Variants in CNTN4 observed in about 807,000 individuals in gnomAD.
The protein encoded by CNTN4 is contactin-4.
A neutral mutation model predicts 122.5 loss-of-function variants in CNTN4; 77 were observed. That is an observed-to-expected ratio of 0.63 (90% confidence interval 0.52 to 0.76). The LOEUF (loss-of-function observed/expected upper bound fraction) is 0.76, where lower values mean the gene tolerates loss of function less well. Ranked by LOEUF, CNTN4 falls within the 30% of genes least tolerant of loss-of-function variation. CNTN4 has a pLI of 0.00. For synonymous variants in CNTN4, 512 were observed against 447.0 expected (o/e 1.15, Z -1.83); for missense variants, 1,256 against 1,259.1 (o/e 1.00, Z 0.04).
chr3:2,829,356 G>A (rs1421298081), intron 7 of CNTN4, among the ~76,000 whole-genome samples: 1 of 152,178 alleles, frequency 6.6e-6, no homozygotes, highest in Non-Finnish European at 1.5e-5. Context: ...TGGGTGGAGT[G>A]TTTCGTGTTT....
At chr3:2,353,571 C>T (rs1002307960) in intron 3 of CNTN4, among the ~76,000 whole-genome samples, 3 of 151,952 alleles carry the variant, frequency 2.0e-5, no homozygotes, top group Non-Finnish European at 4.4e-5. Flanking sequence ...AGCGAGACCA[C>T]GAACCCACCG....
intron 22 of CNTN4, 39 bp downstream of exon 22, chr3:3,043,202 T>C (rs1377291357): frequency 6.3e-7 from 1 of 1,582,292 alleles, no homozygotes; most frequent in Non-Finnish European, 8.7e-7. Flanking sequence ...TGGGGATTCA[T>C]CACACATATC....
chr3:3,038,979 A>G lies in CNTN4; in HGVS notation c.2139A>G (p.Lys713=), dbSNP rs754050629. 1.9e-6 allele frequency: 3 copies of G among 1,613,990 alleles called. No individual in the cohort carries two copies. The highest frequency in any genetic ancestry group is 1.7e-6 in the Non-Finnish European group (2 of 1,179,950). Residue 713 remains lysine, a synonymous_variant, in exon 19 of 25, where the codon AAA becomes AAG. Transcript: ENST00000418658. ...PANVSGGGGS[K]SELVITWETV... The stretch of plus-strand genomic sequence containing the variant: ...ATGTCAGTGGTGGCGGAGGCAGCAA[A>G]TCTGAACTGGTTATAACCTGGGAGG...
chr3:2,818,704 A>G (rs1393487979), intron 6 of CNTN4, among the ~76,000 whole-genome samples: 1 of 152,148 alleles, frequency 6.6e-6, no homozygotes, highest in African/African-American at 2.4e-5. Context: ...GTAACTGCCT[A>G]TTTACTTATA....
At chr3:2,844,978 G>A (rs1031446829) in intron 7 of CNTN4, among the ~76,000 whole-genome samples, 1 of 152,152 alleles carries the variant, frequency 6.6e-6, no homozygotes, top group Non-Finnish European at 1.5e-5. Flanking sequence ...ACACTGCCAA[G>A]GATGAGTTGT....
At chr3:2,222,599 AT>A (rs2039103747) in intron 2 of CNTN4, among the ~76,000 whole-genome samples, 1 of 151,656 alleles carries the variant, frequency 6.6e-6, no homozygotes, top group Non-Finnish European at 1.5e-5. Context: ...ATTTTATATT[AT>A]ATTAATAATA....
At chr3:2,936,922 T>A (rs1301392943) in intron 13 of CNTN4, among the ~76,000 whole-genome samples, 1 of 152,212 alleles carries the variant, frequency 6.6e-6, no homozygotes, top group Non-Finnish European at 1.5e-5. Flanking sequence ...ACAAATGGCC[T>A]GTGGCTGGCG....
At chr3:2,695,213 C>T (rs140310520) in intron 4 of CNTN4, among the ~76,000 whole-genome samples, 113 of 152,150 alleles carry the variant, frequency 7.4e-4, no homozygotes, top group African/African-American at 2.6e-3. Flanking sequence ...GTATGAGAAA[C>T]GTATTACTGA....
At chr3:2,486,972 C>T (rs747930667) in intron 3 of CNTN4, among the ~76,000 whole-genome samples, 7 of 152,068 alleles carry the variant, frequency 4.6e-5, no homozygotes, top group Non-Finnish European at 1.0e-4. Context: ...ATAAGTTAGG[C>T]GATCCTTTCT....
chr3:2,794,216 C>CA (rs1271434853), intron 6 of CNTN4, among the ~76,000 whole-genome samples: 6 of 152,110 alleles, frequency 3.9e-5, no homozygotes, highest in African/African-American at 1.2e-4. Flanking sequence ...TCTACATCTG[C>CA]AAAAAATGTC....
intron 6 of CNTN4, among the ~76,000 whole-genome samples, chr3:2,800,713 C>A (rs1042580946): frequency 1.3e-5 from 2 of 152,140 alleles, no homozygotes; most frequent in African/African-American, 4.8e-5. Flanking sequence ...TTATAGAGGT[C>A]CCCTCTCTGT....
Position 2,956,789 on chromosome 3 carries a change from T to C in CNTN4, c.1358+31010T>C, listed in dbSNP as rs548844594. 2.0e-5 allele frequency among the ~76,000 whole-genome samples: 3 copies of C among 152,216 alleles called. No individual in the cohort carries two copies. In the East Asian group the frequency reaches 5.8e-4, roughly 29 times the overall value. On this transcript the variant is annotated intron_variant, in intron 13 of 24. Transcript: ENST00000418658. ...ATACTCTTTAACCAACATCTTCCTA[T>C]TTATTTCCCCTACCTCCAGAGCCCC...
At chr3:2,640,276 T>C (rs1331859007) in intron 4 of CNTN4, among the ~76,000 whole-genome samples, 1 of 152,214 alleles carries the variant, frequency 6.6e-6, no homozygotes, top group Non-Finnish European at 1.5e-5. Context: ...AAAACTGCTG[T>C]TGAAACAACA....
intron 13 of CNTN4, among the ~76,000 whole-genome samples, chr3:2,949,782 C>T (rs2094718765): frequency 6.6e-6 from 1 of 152,136 alleles, no homozygotes; most frequent in African/African-American, 2.4e-5. Flanking sequence ...TTTAACTTTG[C>T]TTTTTTGAAA....
At chr3:2,338,395 G>A (rs2044044143) in intron 2 of CNTN4, among the ~76,000 whole-genome samples, 1 of 151,844 alleles carries the variant, frequency 6.6e-6, no homozygotes, top group Non-Finnish European at 1.5e-5. Flanking sequence ...ATAAGCCAGA[G>A]TAGAATAGTA....
chr3:2,672,280 C>A (rs976976868), intron 4 of CNTN4, among the ~76,000 whole-genome samples: 5 of 152,076 alleles, frequency 3.3e-5, no homozygotes, highest in African/African-American at 1.2e-4. Flanking sequence ...AGCTTCCAGG[C>A]CAATTTGTTT....
intron 4 of CNTN4, among the ~76,000 whole-genome samples, chr3:2,679,780 C>T (rs775345451): frequency 2.0e-5 from 3 of 152,140 alleles, no homozygotes; most frequent in Non-Finnish European, 4.4e-5. Context: ...TCTTCCACAA[C>T]TATATATTGC....
intron 3 of CNTN4, among the ~76,000 whole-genome samples, chr3:2,340,685 T>TTATATATATATATACATA (rs1406052646): frequency 6.8e-5 from 2 of 29,620 alleles, no homozygotes; most frequent in African/African-American, 1.5e-4. Flanking sequence ...GTCATAAATT[T>TTATATATATATATACATA]TATATATATA....
chr3:2,531,882 A>G (rs754921198), intron 3 of CNTN4, among the ~76,000 whole-genome samples: 3 of 152,320 alleles, frequency 2.0e-5, no homozygotes, highest in Admixed American at 6.5e-5. Context: ...TCCAGCAGAA[A>G]TAACCTGTGG....
Sources: gnomAD v4.1 joint callset for allele counts (sites outside exome capture counted in the v4.1 genomes callset) on GRCh38, gnomAD v4.1.1 for gene constraint, MANE v1.5 for transcripts, NCBI Gene and HGNC (gene_info 2026-07-23, HGNC 2026-07-21) for gene names.